Variants in PIR observed in about 807,000 individuals in gnomAD.
PIR encodes pirin.
A neutral mutation model predicts 24.2 loss-of-function variants in PIR; 22 were observed. The ratio of observed to expected loss-of-function variants is 0.91; its 90% confidence interval spans 0.65 to 1.30. PIR has a LOEUF of 1.30. Ranked by LOEUF, PIR falls within the 50% of genes most tolerant of loss-of-function variation. PIR has a pLI of 0.00. For missense variants in PIR, 220 were observed against 220.3 expected, an observed-to-expected ratio of 1.00 and a Z score of 0.01; for synonymous variants, 80 against 79.6, an observed-to-expected ratio of 1.00 and a Z score of -0.03.
At chrX:15,388,370 G>C (rs1187552684) in intron 9 of PIR, among the ~76,000 whole-genome samples, 2 of 111,931 alleles carry the variant, frequency 1.8e-5, no homozygotes, top group African/African-American at 6.5e-5. Flanking sequence ...AGCATGGTAA[G>C]AGGCAGAAGG....
At chrX:15,470,705 G>A (rs1315609108) in intron 3 of PIR, among the ~76,000 whole-genome samples, 4 of 105,983 alleles carry the variant, frequency 3.8e-5, no homozygotes, top group Admixed American at 1.0e-4. Flanking sequence ...GAGTTCAAGC[G>A]AATCTCCTGC....
chrX:15,470,033 G>A (rs1921802392), intron 3 of PIR, among the ~76,000 whole-genome samples: 2 of 111,748 alleles, frequency 1.8e-5, no homozygotes, highest in African/African-American at 6.5e-5. Flanking sequence ...ATCTGAATGT[G>A]TCAAAGTATT....
intron 5 of PIR, among the ~76,000 whole-genome samples, chrX:15,451,489 T>C (rs1443584944): frequency 8.9e-6 from 1 of 111,917 alleles, no homozygotes; most frequent in Non-Finnish European, 1.9e-5. Flanking sequence ...ATTTAGCTAA[T>C]TTTATTGTTC....
chrX:15,394,610 C>G, intron 8 of PIR, among the ~76,000 whole-genome samples: 1 of 111,417 alleles, frequency 9.0e-6, no homozygotes, highest in Non-Finnish European at 1.9e-5. Flanking sequence ...TCATATCAAA[C>G]TCTAGTACTC....
intron 7 of PIR, among the ~76,000 whole-genome samples, chrX:15,403,219 C>T (rs986346298): frequency 8.9e-6 from 1 of 112,084 alleles, no homozygotes; most frequent in African/African-American, 3.2e-5. Flanking sequence ...CACCCAAAAC[C>T]AGAGCACAGA....
intron 7 of PIR, among the ~76,000 whole-genome samples, chrX:15,401,523 C>T (rs868201420): frequency 3.6e-5 from 4 of 111,272 alleles, no homozygotes; most frequent in South Asian, 3.7e-4. Context: ...TTATGTTATT[C>T]GCCCATCTGG....
At chrX:15,450,579 C>T (rs945173514) in intron 5 of PIR, among the ~76,000 whole-genome samples, 1 of 110,768 alleles carries the variant, frequency 9.0e-6, no homozygotes, top group Non-Finnish European at 1.9e-5. Flanking sequence ...ACACAGTGGA[C>T]GGAAGCAAAT....
chrX:15,448,206 T>G (rs973204232), intron 5 of PIR, among the ~76,000 whole-genome samples: 2 of 112,570 alleles, frequency 1.8e-5, no homozygotes, highest in Non-Finnish European at 3.8e-5. Context: ...GACCACTGTT[T>G]ATTTGCACAT....
chrX:15,489,213 C>A (rs1923031773), intron 2 of PIR, among the ~76,000 whole-genome samples: 1 of 112,040 alleles, frequency 8.9e-6, no homozygotes, highest in Admixed American at 9.5e-5. Context: ...ACTAGAACTG[C>A]CACCAAATCG....
intron 3 of PIR, among the ~76,000 whole-genome samples, chrX:15,474,165 T>G (rs2316998): frequency 0.5 from 55,594 of 110,448 alleles, 10,472 homozygotes; most frequent in African/African-American, 0.64. Context: ...GATGCCACGT[T>G]GTCAGAACAA....
chrX:15,486,708 G>T (rs578153534), intron 2 of PIR, among the ~76,000 whole-genome samples: 3 of 111,528 alleles, frequency 2.7e-5, no homozygotes, highest in Non-Finnish European at 5.7e-5. Flanking sequence ...AGGGTAAATG[G>T]TTGCCATTTC....
intron 3 of PIR, among the ~76,000 whole-genome samples, chrX:15,461,266 G>A (rs915367908): frequency 8.9e-6 from 1 of 111,902 alleles, no homozygotes; most frequent in Non-Finnish European, 1.9e-5. Context: ...CCAAAAAGCT[G>A]CCTCAGGAAA....
chrX:15,396,564 A>G (rs984885383), intron 8 of PIR, among the ~76,000 whole-genome samples: 4 of 111,646 alleles, frequency 3.6e-5, no homozygotes, highest in Admixed American at 9.5e-5. Context: ...ACAGACTCAC[A>G]ACATGGTGAC....
rs751291213 is a variant in PIR, at chrX:15,400,668, C to G, written c.611-3137G>C. ...ATGTGGGATGCAATTTCTGCCCATT[C>G]TCTTTGCAATCTCAGTGTTGATACT... On this transcript the variant is annotated intron_variant, in intron 7 of 9. Coordinates refer to ENST00000380420, the MANE Select transcript of PIR (RefSeq NM_001018109.3). 1.3e-3 allele frequency among the ~76,000 whole-genome samples: 145 copies of G among 111,154 alleles called. 1 individual carries two copies. The highest frequency in any genetic ancestry group is 4.2e-3 in the African/African-American group (128 of 30,608).
chrX:15,434,935 G>T (rs1387285950), intron 5 of PIR, among the ~76,000 whole-genome samples: 1 of 111,728 alleles, frequency 9.0e-6, no homozygotes, highest in Non-Finnish European at 1.9e-5. Context: ...CTATGGCCGG[G>T]TACAGTGGCT....
intron 3 of PIR, among the ~76,000 whole-genome samples, chrX:15,471,739 C>T (rs190536883): frequency 1.8e-5 from 2 of 112,234 alleles, no homozygotes; most frequent in East Asian, 5.6e-4. Flanking sequence ...ATAGCTTCTG[C>T]CTCAAAACAT....
chrX:15,426,175 G>C (rs954463939), intron 5 of PIR, among the ~76,000 whole-genome samples, 185 bp from the exon 6 acceptor site: 2 of 111,582 alleles, frequency 1.8e-5, no homozygotes, highest in African/African-American at 6.5e-5. Context: ...CTGGAAGTTA[G>C]CCCTCCTAGC....
At chrX:15,400,255 T>A (rs1224056782) in intron 7 of PIR, among the ~76,000 whole-genome samples, 1 of 111,991 alleles carries the variant, frequency 8.9e-6, no homozygotes, top group Non-Finnish European at 1.9e-5. Flanking sequence ...AAAAATCTCA[T>A]TTAGAGTTGA....
At chrX:15,441,181 G>A (rs1444062501) in intron 5 of PIR, among the ~76,000 whole-genome samples, 1 of 111,731 alleles carries the variant, frequency 9.0e-6, no homozygotes, top group Non-Finnish European at 1.9e-5. Context: ...AAGCAAAGCA[G>A]GGTTAAAATT....
Sources: allele counts gnomAD v4.1 joint callset (sites outside exome capture counted in the v4.1 genomes callset), GRCh38; gene constraint gnomAD v4.1.1; transcripts MANE v1.5; gene names NCBI Gene and HGNC (gene_info 2026-07-23, HGNC 2026-07-21).